Variants in MS4A14 observed in about 807,000 individuals in gnomAD.
The protein encoded by MS4A14 is membrane-spanning 4-domains subfamily A member 14.
MS4A14 carries 18 observed loss-of-function variants against 16.7 expected under a neutral mutation model. The ratio of observed to expected loss-of-function variants is 1.08; its 90% CI spans 0.75 to 1.60. The LOEUF is 1.60. Among genes scored for constraint, MS4A14 ranks in the 40% most tolerant of loss-of-function variants. MS4A14 has a pLI of 0.00. For synonymous variants in MS4A14, 305 were observed against 289.4 expected (o/e 1.05, Z -0.55); for missense variants, 812 against 775.3 (o/e 1.05, Z -0.56).
At chr11:60,404,802 T>G (rs1253925723) in intron 4 of MS4A14, 2 of 269,866 alleles carry the variant, frequency 7.4e-6, no homozygotes, top group Non-Finnish European at 1.5e-5. Context: ...TAGCTCCCAA[T>G]CCTTCTTCAC....
Position 60,397,903 on chromosome 11 carries a change from G to A in MS4A14, c.190G>A (p.Ala64Thr), listed in dbSNP as rs2085652995. Reference sequence around the variant, plus strand: ...CATTGTGGGCTTTGGAACTATATTTGCACTTAATTACATCGGTTTCTCCCA... The same window carrying A: ...CATTGTGGGCTTTGGAACTATATTTACACTTAATTACATCGGTTTCTCCCA... Reference protein sequence around the residue: ...LIIVGFGTIFALNYIGFSQRL... With the variant: ...LIIVGFGTIFTLNYIGFSQRL... The change falls in exon 2 of 5, where the codon GCA (alanine) becomes ACA (threonine). Residue 64 changes from alanine (A) to threonine (T), a missense_variant. Physicochemically the swap from Ala to Thr is moderately conservative, Grantham distance 58 (BLOSUM62 0). Coordinates refer to ENST00000300187, the MANE Select transcript of MS4A14 (RefSeq NM_032597.5). 2 of 1,613,348 alleles carry A rather than the reference G, an allele frequency of 1.2e-6. No homozygotes were observed. The highest frequency in any genetic ancestry group is 1.7e-6 in the Non-Finnish European group (2 of 1,179,462).
Position 60,415,562 on chromosome 11 carries a change from A to G in MS4A14, c.594A>G (p.Gln198=). Reference sequence around the variant, plus strand: ...GTGATGATTCAACAACAAATGCACAATCTGTTATCTTTGGAGGCTATGCTT... The same window carrying G: ...GTGATGATTCAACAACAAATGCACAGTCTGTTATCTTTGGAGGCTATGCTT... ...FSSDDSTTNA[Q]SVIFGGYAFF... is the part of the protein sequence containing the mutation. The change falls in exon 5 of 5, where the codon CAA becomes CAG. Residue 198 remains glutamine (Q), a synonymous_variant. Coordinates refer to ENST00000300187, the MANE Select transcript of MS4A14 (RefSeq NM_032597.5). 2 of 1,613,780 alleles carry G rather than the reference A, an allele frequency of 1.2e-6. No individual in the cohort carries two copies. Among genetic ancestry groups the G allele is most frequent in the East Asian group, 2.2e-5 (1 of 44,864 alleles).
intron 4 of MS4A14, among the ~76,000 whole-genome samples, chr11:60,413,121 T>C (rs1162253817): frequency 6.6e-6 from 1 of 151,952 alleles, no homozygotes; most frequent in Non-Finnish European, 1.5e-5. Flanking sequence ...ATGGTATTTT[T>C]AATTTTATTT....
At chr11:60,404,640 C>A (rs769294934) in intron 4 of MS4A14, 2 of 454,256 alleles carry the variant, frequency 4.4e-6, no homozygotes, top group Admixed American at 4.8e-5. Context: ...AGAGGATCAG[C>A]TTCTTCCGGC....
At chr11:60,405,180 A>G (rs1056130375) in intron 4 of MS4A14, among the ~76,000 whole-genome samples, 2 of 152,062 alleles carry the variant, frequency 1.3e-5, no homozygotes, top group Non-Finnish European at 2.9e-5. Flanking sequence ...CCTAGGTTCA[A>G]GCAATTCTCC....
chr11:60,409,472 T>C (rs1337010636), intron 4 of MS4A14, among the ~76,000 whole-genome samples: 1 of 151,868 alleles, frequency 6.6e-6, no homozygotes, highest in African/African-American at 2.4e-5. Flanking sequence ...TCCAGGTTAA[T>C]GCATGTTGCC....
At position 60,403,236 on chromosome 11, in the gene MS4A14, GGAC is replaced by G. The variant is rs1356778890; in HGVS notation, c.468+176_468+178del. On this transcript the variant is annotated intron_variant, in intron 4 of 4. Coordinates refer to ENST00000300187, the MANE Select transcript of MS4A14 (RefSeq NM_032597.5). ...CAATGGTTAAGGAGCGATATTTTCT[GGAC>G]TTGAATCCTGTTCACACAAGCTTGT... The G allele has an allele frequency of 6.2e-4, 401 of 650,390 alleles. 1 individual carries two copies. Among genetic ancestry groups the G allele is most frequent in the African/African-American group, 4.4e-3 (240 of 55,010 alleles). 40.3% of individuals were successfully genotyped at this position (650,390 alleles called of 1,614,324 possible). A position where few individuals can be genotyped will look rare whatever the true frequency, so the allele number is the denominator to read the frequency against.
In MS4A14 at chr11:60,416,202, G is replaced by A; in HGVS notation, c.1234G>A (p.Ala412Thr). ...AGATATGCTATCCCAAGCTCTATCAGCGCATGCCATATTACCTGAAGCCTC... is the reference window on the plus strand; with the variant it reads ...AGATATGCTATCCCAAGCTCTATCAACGCATGCCATATTACCTGAAGCCTC... Reference protein sequence around the residue: ...SQDMLSQALSAHAILPEASTS... With the variant: ...SQDMLSQALSTHAILPEASTS... Residue 412 changes from alanine (A) to threonine (T), a missense_variant, in exon 5 of 5, where the codon GCG becomes ACG. By Grantham distance (58) the Ala-to-Thr change is moderately conservative (BLOSUM62 0). Coordinates refer to ENST00000300187, the MANE Select transcript of MS4A14 (RefSeq NM_032597.5). 1 of 1,613,744 alleles carries A rather than the reference G, an allele frequency of 6.2e-7. No homozygotes were observed. The highest frequency in any genetic ancestry group is 8.5e-7 in the Non-Finnish European group (1 of 1,179,906).
chr11:60,415,299 C>G, intron 4 of MS4A14, 138 bp from the exon 5 acceptor site: 1 of 804,758 alleles, frequency 1.2e-6, no homozygotes, highest in Non-Finnish European at 1.9e-6. Context: ...GCAGGACTGG[C>G]ATTCGTTTTC....
chr11:60,410,939 G>A (rs183301161), intron 4 of MS4A14, among the ~76,000 whole-genome samples: 11 of 152,078 alleles, frequency 7.2e-5, no homozygotes, highest in Admixed American at 4.6e-4. Context: ...TCTGCCTCCC[G>A]GGTTCAAGCA....
rs146466834 is a variant in MS4A14, at chr11:60,406,912, G to A, written c.468+3851G>A. On this transcript the variant is annotated intron_variant, in intron 4 of 4. Coordinates refer to ENST00000300187, the MANE Select transcript of MS4A14 (RefSeq NM_032597.5). ...TGGCTTATATGGCTTCTTCCACACA[G>A]AAATATGTTTTTGAGAGTCATCCAT... 1.1e-3 allele frequency among the ~76,000 whole-genome samples: 168 copies of A among 149,472 alleles called. 1 individual carries two copies. Among genetic ancestry groups the A allele is most frequent in the African/African-American group, 3.9e-3 (159 of 40,814 alleles).
At chr11:60,413,514 CTT>C (rs2085897145) in intron 4 of MS4A14, among the ~76,000 whole-genome samples, 1 of 151,880 alleles carries the variant, frequency 6.6e-6, no homozygotes, top group Non-Finnish European at 1.5e-5. Flanking sequence ...TGGGTATTGG[CTT>C]TTGTCATTTT....
intron 4 of MS4A14, 119 bp downstream of exon 4, chr11:60,403,180 G>C (rs558805243): frequency 9.3e-7 from 1 of 1,073,648 alleles, no homozygotes; most frequent in Non-Finnish European, 1.4e-6. Context: ...TTGAACTGAC[G>C]GTTGAGAAGG....
At chr11:60,410,848 T>A (rs2085859034) in intron 4 of MS4A14, among the ~76,000 whole-genome samples, 1 of 151,964 alleles carries the variant, frequency 6.6e-6, no homozygotes, top group Admixed American at 6.6e-5. Context: ...TTTTTGTTTG[T>A]TTTTTGTTTT....
At chr11:60,397,789 C>A in intron 1 of MS4A14, 63 bp from the exon 2 acceptor site, 1 of 1,554,470 alleles carries the variant, frequency 6.4e-7, no homozygotes, top group East Asian at 2.3e-5. Flanking sequence ...CCCTGAGGGA[C>A]GTGGGGTAGC....
intron 1 of MS4A14, 60 bp from the exon 2 acceptor site, chr11:60,397,792 G>A: frequency 1.3e-6 from 2 of 1,568,454 alleles, no homozygotes; most frequent in Admixed American, 1.8e-5. Flanking sequence ...TGAGGGACGT[G>A]GGGTAGCCCA....
In MS4A14 at chr11:60,417,536, A is replaced by G. The variant is rs1346523916; in HGVS notation, c.*528A>G. On this transcript the variant is annotated 3_prime_UTR_variant, in exon 5 of 5. Transcript: ENST00000300187. ...ATCTACCCAATACCACACTGCCCCC[A>G]TTAATGGAATTAAATTGGGAAAAAC... 6.6e-6 allele frequency: 1 copy of G among 152,232 alleles called. No individual in the cohort carries two copies. The highest frequency in any genetic ancestry group is 1.5e-5 in the Non-Finnish European group (1 of 68,106). The allele number at this position is 152,232 out of a possible 1,614,324, so 9.4% of individuals were successfully genotyped here. A position where few individuals can be genotyped will look rare whatever the true frequency, so the allele number is the denominator to read the frequency against.
intron 4 of MS4A14, 48 bp from the exon 5 acceptor site, chr11:60,415,388 AT>A (rs777856445): frequency 2.6e-6 from 4 of 1,520,078 alleles, no homozygotes; most frequent in Non-Finnish European, 3.5e-6. Context: ...CAAAAAAAAA[AT>A]CAGACATGAT....
At position 60,396,495 on chromosome 11, in the gene MS4A14, T is replaced by C; in HGVS notation, c.-84T>C. 1.3e-6 allele frequency: 2 copies of C among 1,504,050 alleles called. No homozygotes were observed. Among genetic ancestry groups the C allele is most frequent in the Admixed American group, 3.8e-5 (2 of 52,654 alleles). The allele number at this position is 1,504,050 out of a possible 1,614,324, so 93.2% of individuals were successfully genotyped here. The stretch of plus-strand genomic sequence containing the variant: ...TAAGGGCTCATCTCTGAGGGCTCCA[T>C]GTGACTCTGGTGGAGAGGTAGATCA... On this transcript the variant is annotated 5_prime_UTR_variant, in exon 1 of 5. It removes an upstream start codon present in the reference 5' UTR. Coordinates refer to ENST00000300187, the MANE Select transcript of MS4A14 (RefSeq NM_032597.5).
Sources: gnomAD v4.1 joint callset for allele counts (sites outside exome capture counted in the v4.1 genomes callset) on GRCh38, gnomAD v4.1.1 for gene constraint, MANE v1.5 for transcripts, NCBI Gene and HGNC (gene_info 2026-07-23, HGNC 2026-07-21) for gene names.